SCN11A: variants seen among roughly 807,000 people sequenced by gnomAD.
SCN11A encodes sodium voltage-gated channel alpha subunit 11, also known as sodium channel protein type 11 subunit alpha.
Under a neutral mutation model 162.2 loss-of-function variants are expected in SCN11A, and 122 were observed. The ratio of observed to expected loss-of-function variants is 0.75; its 90% CI spans 0.65 to 0.87. The LOEUF (loss-of-function observed/expected upper bound fraction) is 0.87. Ranked by LOEUF, SCN11A falls within the 40% of genes least tolerant of loss-of-function variation. SCN11A has a pLI of 0.00. For missense variants in SCN11A, 2,015 were observed against 2,181.6 expected, an observed-to-expected ratio of 0.92 and a Z score of 1.52; for synonymous variants, 758 against 751.5, an observed-to-expected ratio of 1.01 and a Z score of -0.14.
rs1270278581 is a variant in SCN11A at position 38,850,571 on chromosome 3, A to G, written c.4237T>C (p.Cys1413Arg). Residue 1413 changes from cysteine to arginine, a missense_variant, in exon 29 of 30, where the codon TGT (cysteine) becomes CGT (arginine). Transcript: ENST00000302328. ...CTCAAAGCAAAGATTTTGATGAGAC[A>G]TTCTAACGTAAAGATGACCACAAAG... is the stretch of plus-strand genomic sequence containing the variant. The part of the protein sequence containing the change: ...WVFVVIFTLE[C>R]LIKIFALRQY... 1.9e-6 allele frequency: 3 copies of G among 1,613,866 alleles called. No homozygotes were observed. The highest frequency in any genetic ancestry group is 2.5e-6 in the Non-Finnish European group (3 of 1,179,840).
rs1053242269 is a variant in SCN11A, at chr3:39,011,169, G to A, written c.-280+21211C>T. Among the ~76,000 whole-genome samples the A allele has an allele frequency of 5.9e-5, 9 of 152,218 alleles. No individual in the cohort carries two copies. In the East Asian group the frequency reaches 1.3e-3, roughly 23 times the overall value. On this transcript the variant is annotated intron_variant, in intron 2 of 29. Transcript: ENST00000302328. Reference sequence around the variant, plus strand: ...GACCCGACCTCCCTGATGGTTTACAGAAAGGGTTTTTAAAGGCAGGGGTAA... The same window carrying A: ...GACCCGACCTCCCTGATGGTTTACAAAAAGGGTTTTTAAAGGCAGGGGTAA...
chr3:38,850,951 A>C (rs1026455807), intron 28 of SCN11A, among the ~76,000 whole-genome samples, 200 bp from the exon 29 acceptor site: 2 of 152,208 alleles, frequency 1.3e-5, no homozygotes, highest in African/African-American at 4.8e-5. Context: ...AAATGTAATT[A>C]GTAACTGGTT....
chr3:38,892,285 C>A (rs1201275091), intron 19 of SCN11A, among the ~76,000 whole-genome samples: 3 of 152,042 alleles, frequency 2.0e-5, no homozygotes, highest in Non-Finnish European at 4.4e-5. Flanking sequence ...TAAAGGACAT[C>A]CTACAGGCAA....
chr3:39,034,413 TA>T (rs753272666), intron 1 of SCN11A, among the ~76,000 whole-genome samples: 16 of 151,464 alleles, frequency 1.1e-4, no homozygotes, highest in African/African-American at 1.5e-4. Context: ...CCCTTCATGA[TA>T]AAAAAAAATC....
At chr3:39,006,732 T>C (rs2030990475) in intron 2 of SCN11A, among the ~76,000 whole-genome samples, 1 of 151,710 alleles carries the variant, frequency 6.6e-6, no homozygotes, top group African/African-American at 2.4e-5. Flanking sequence ...AGCCCAGGGG[T>C]TCAAGTTTAC....
In SCN11A at chr3:38,968,577, C is replaced by T. The variant is rs910117589; in HGVS notation, c.-279-8154G>A. Reference sequence around the variant, plus strand: ...GTGTAGAGGGAAAACACACATGCCTCCCCCCAACACACATGTGCACACACA... The same window carrying T: ...GTGTAGAGGGAAAACACACATGCCTTCCCCCAACACACATGTGCACACACA... On this transcript the variant is annotated intron_variant, in intron 2 of 29. Coordinates refer to ENST00000302328, the MANE Select transcript of SCN11A (RefSeq NM_001349253.2). 2.7e-5 allele frequency among the ~76,000 whole-genome samples: 4 copies of T among 150,572 alleles called. No individual in the cohort carries two copies. In the East Asian group the frequency reaches 7.8e-4, roughly 29 times the overall value.
intron 11 of SCN11A, among the ~76,000 whole-genome samples, chr3:38,915,010 C>G (rs1051950621): frequency 6.6e-6 from 1 of 151,964 alleles, no homozygotes; most frequent in Non-Finnish European, 1.5e-5. Context: ...GGGGAGGAGT[C>G]TCTGCTCCTC....
chr3:38,848,688 T>C (rs1003457438), intron 29 of SCN11A, among the ~76,000 whole-genome samples: 8 of 152,232 alleles, frequency 5.3e-5, no homozygotes, highest in African/African-American at 1.9e-4. Context: ...TGAATATTTC[T>C]TGGGCTGATC....
In SCN11A at chr3:39,010,532, C is replaced by T. The variant is rs578080353; in HGVS notation, c.-280+21848G>A. On this transcript the variant is annotated intron_variant, in intron 2 of 29. Transcript: ENST00000302328. ...TAGCTGGGACTACAGGCGCCCGCCA[C>T]CATGCCCGGCTAATTTTTTGTATTT... Among the ~76,000 whole-genome samples the T allele has an allele frequency of 2.5e-3, 384 of 152,162 alleles. 2 individuals carry two copies. Among genetic ancestry groups the T allele is most frequent in the Non-Finnish European group, 4.5e-3 (308 of 68,002 alleles).
chr3:38,934,432 A>G (rs1468023110), intron 7 of SCN11A, among the ~76,000 whole-genome samples: 1 of 152,212 alleles, frequency 6.6e-6, no homozygotes, highest in Non-Finnish European at 1.5e-5. Flanking sequence ...AGACTGGCAA[A>G]TTGGATAAAG....
At chr3:38,905,355 C>T in intron 14 of SCN11A, 34 bp from the exon 15 acceptor site, 1 of 1,597,118 alleles carries the variant, frequency 6.3e-7, no homozygotes, top group Non-Finnish European at 8.5e-7. Context: ...CTTCTAAAGA[C>T]AGGGGCTGCC....
chr3:38,908,198 A>G, intron 13 of SCN11A, 76 bp from the exon 14 acceptor site: 1 of 1,324,190 alleles, frequency 7.6e-7, no homozygotes, highest in Admixed American at 2.1e-5. Context: ...CCGACCTGAG[A>G]GTGGTGAAAA....
At chr3:39,008,524 T>A (rs1054402054) in intron 2 of SCN11A, among the ~76,000 whole-genome samples, 2 of 152,194 alleles carry the variant, frequency 1.3e-5, no homozygotes, top group African/African-American at 4.8e-5. Flanking sequence ...CCATTTCAAA[T>A]GGAGCAGTCA....
chr3:38,916,735 T>C (rs2065966614), intron 11 of SCN11A, among the ~76,000 whole-genome samples: 1 of 152,100 alleles, frequency 6.6e-6, no homozygotes, highest in African/African-American at 2.4e-5. Context: ...GCCTACTGTC[T>C]GGAATTGTTC....
chr3:38,931,866 T>TACC (rs1235749562), intron 7 of SCN11A, among the ~76,000 whole-genome samples: 2 of 152,188 alleles, frequency 1.3e-5, no homozygotes, highest in Non-Finnish European at 2.9e-5. Flanking sequence ...TTAGAAATAT[T>TACC]AGATAAGCCA....
chr3:39,005,806 T>C (rs1410008684), intron 2 of SCN11A, among the ~76,000 whole-genome samples: 5 of 152,212 alleles, frequency 3.3e-5, no homozygotes, highest in African/African-American at 1.2e-4. Context: ...AACAATGAGC[T>C]TTACTAATTT....
At chr3:38,875,829 C>T (rs1311886051) in intron 23 of SCN11A, among the ~76,000 whole-genome samples, 1 of 151,882 alleles carries the variant, frequency 6.6e-6, no homozygotes, top group Non-Finnish European at 1.5e-5. Flanking sequence ...CAAAATACCA[C>T]TATCATTCTT....
intron 2 of SCN11A, among the ~76,000 whole-genome samples, chr3:38,975,914 T>G (rs932531306): frequency 1.3e-5 from 2 of 152,148 alleles, no homozygotes; most frequent in African/African-American, 4.8e-5. Context: ...AACATGTGAA[T>G]GTACTTAACG....
intron 1 of SCN11A, among the ~76,000 whole-genome samples, chr3:39,033,528 G>A (rs1352919900): frequency 6.6e-6 from 1 of 152,176 alleles, no homozygotes; most frequent in Non-Finnish European, 1.5e-5. Flanking sequence ...TGGGGGCTTG[G>A]AGAGATAATG....
Sources: allele counts gnomAD v4.1 joint callset (sites outside exome capture counted in the v4.1 genomes callset), GRCh38; gene constraint gnomAD v4.1.1; transcripts MANE v1.5; gene names NCBI Gene and HGNC (gene_info 2026-07-23, HGNC 2026-07-21).